Variants in JAKMIP1 observed in about 807,000 individuals in gnomAD.
JAKMIP1 encodes the protein janus kinase and microtubule-interacting protein 1.
In JAKMIP1, 33 loss-of-function variants were observed where a neutral mutation model predicts 113.0. The ratio of observed to expected loss-of-function variants is 0.29; its 90% CI spans 0.22 to 0.39. JAKMIP1 has a LOEUF of 0.39. Ranked by LOEUF, JAKMIP1 falls within the 10% of genes least tolerant of loss-of-function variation. The pLI is 1.00. For synonymous variants in JAKMIP1, 480 were observed against 459.9 expected (o/e 1.04, Z -0.56); for missense variants, 813 against 1,080.5 (o/e 0.75, Z 3.47).
chr4:6,060,496 C>T lies in JAKMIP1; in HGVS notation c.1572G>A (p.Gln524=), dbSNP rs776244460. Residue 524 remains glutamine, a synonymous_variant, in exon 11 of 21, where the codon CAG becomes CAA. Transcript: ENST00000409021. ...GACACCTCAGCAGATCAGCTTGTAGCTGCTCCCGAGTCTGGAAGGGAAAAG... is the reference window on the plus strand; with the variant it reads ...GACACCTCAGCAGATCAGCTTGTAGTTGCTCCCGAGTCTGGAAGGGAAAAG... The part of the protein sequence containing the change: ...DAEREARTRE[Q]LQADLLRCQA... The T allele has an allele frequency of 6.2e-7, 1 of 1,614,050 alleles. No homozygotes were observed. Among genetic ancestry groups the T allele is most frequent in the Non-Finnish European group, 8.5e-7 (1 of 1,179,918 alleles).
At chr4:6,087,188 A>G (rs1721424517) in intron 3 of JAKMIP1, among the ~76,000 whole-genome samples, 1 of 152,218 alleles carries the variant, frequency 6.6e-6, no homozygotes, top group South Asian at 2.1e-4. Context: ...TCAGACACAG[A>G]CTGCCACAGC....
Position 6,150,530 on chromosome 4 carries a change from G to GA in JAKMIP1, c.-147-37534dup, listed in dbSNP as rs1165217884. 1.3e-5 allele frequency: 2 copies of GA among 152,264 alleles called. No individual in the cohort carries two copies. The highest frequency in any genetic ancestry group is 4.8e-5 in the African/African-American group (2 of 41,436). The allele number at this position is 152,264 out of a possible 1,614,324, so 9.4% of individuals were successfully genotyped here. On this transcript the variant is annotated intron_variant, in intron 1 of 20. Coordinates refer to ENST00000409021, the MANE Select transcript of JAKMIP1 (RefSeq NM_001099433.2). The surrounding 1 kb of genome is among the most constrained non-coding windows in gnomAD (Gnocchi z 4.8). ...TGAACTGAGTGGTTTCCGCATCCAG[G>GA]AATAGACACCCGCTTCTTAATCCCT...
rs544620083 is a variant in JAKMIP1 at position 6,142,877 on chromosome 4, G to C, written c.-147-29880C>G. Among the ~76,000 whole-genome samples, 4 of 152,338 alleles carry C rather than the reference G, an allele frequency of 2.6e-5. No individual in the cohort carries two copies. The highest frequency in any genetic ancestry group is 9.6e-5 in the African/African-American group (4 of 41,566). ...AAACGGAGGATGGAAAGGTTTAAGG[G>C]ACATGGCCGGCAATGACAAAGCCCA... is the stretch of plus-strand genomic sequence containing the variant. On this transcript the variant is annotated intron_variant, in intron 1 of 20. Coordinates refer to ENST00000409021, the MANE Select transcript of JAKMIP1 (RefSeq NM_001099433.2). This position sits in a 1 kb window ranked among gnomAD's most constrained non-coding sequence, Gnocchi z 5.5.
In JAKMIP1 at chr4:6,089,575, A is replaced by T. The variant is rs1467144; in HGVS notation, c.625-3946T>A. 1.3e-5 allele frequency among the ~76,000 whole-genome samples: 2 copies of T among 152,296 alleles called. No homozygotes were observed. Among genetic ancestry groups the T allele is most frequent in the African/African-American group, 4.8e-5 (2 of 41,544 alleles). ...GAACCATGACTCAAGTGCAGATTGT[A>T]CTCTCCAAGCCCTCCCTGTCCCCTC... is the stretch of plus-strand genomic sequence containing the variant. On this transcript the variant is annotated intron_variant, in intron 3 of 20. Coordinates refer to ENST00000409021, the MANE Select transcript of JAKMIP1 (RefSeq NM_001099433.2). The surrounding 1 kb of genome is among the most constrained non-coding windows in gnomAD (Gnocchi z 5.3).
intron 2 of JAKMIP1, among the ~76,000 whole-genome samples, chr4:6,107,310 G>A (rs1340256407): frequency 1.3e-5 from 2 of 152,130 alleles, no homozygotes; most frequent in Admixed American, 1.3e-4. Context: ...GGGCCAGCAG[G>A]GTCAGATCCA....
At chr4:6,058,866 G>A (rs1392356458) in intron 11 of JAKMIP1, among the ~76,000 whole-genome samples, 2 of 152,204 alleles carry the variant, frequency 1.3e-5, no homozygotes, top group Non-Finnish European at 2.9e-5. Context: ...AGATATGTGG[G>A]CTCAGCCTGG....
chr4:6,031,286 C>T lies in JAKMIP1; in HGVS notation c.2380-1505G>A, dbSNP rs545485975. Among the ~76,000 whole-genome samples, 11 of 152,110 alleles carry T rather than the reference C, an allele frequency of 7.2e-5. No homozygotes were observed. The highest frequency in any genetic ancestry group is 1.3e-4 in the Non-Finnish European group (9 of 68,006). ...CTCTACTAAAAATACAAAAATGAGC[C>T]GGGCTTGGTGGTGCGCTCCTGTAGG... is the stretch of plus-strand genomic sequence containing the variant. On this transcript the variant is annotated intron_variant, in intron 19 of 20. Transcript: ENST00000409021. The surrounding 1 kb of genome is among the most constrained non-coding windows in gnomAD (Gnocchi z 4.4).
At position 6,112,997 on chromosome 4, in the gene JAKMIP1, C is replaced by A. The variant is rs749252616; in HGVS notation, c.-147G>T. The A allele has an allele frequency of 9.3e-5, 114 of 1,228,818 alleles. No individual in the cohort carries two copies. Among genetic ancestry groups the A allele is most frequent in the Non-Finnish European group, 1.2e-4 (113 of 913,436 alleles). The allele number at this position is 1,228,818 out of a possible 1,614,324, so 76.1% of individuals were successfully genotyped here. On this transcript the variant is annotated splice_region_variant and 5_prime_UTR_variant, in exon 2 of 21. Transcript: ENST00000409021. ...CGAGGAAACCACCATCACTTGGGAT[C>A]CTGAAGGAAGGAGGGAAACTGAGTT... is the stretch of plus-strand genomic sequence containing the variant.
intron 3 of JAKMIP1, among the ~76,000 whole-genome samples, chr4:6,099,154 T>C (rs1712583098): frequency 6.6e-6 from 1 of 152,238 alleles, no homozygotes; most frequent in South Asian, 2.1e-4. Context: ...AGTGTGACTT[T>C]TGTATCCACT....
intron 1 of JAKMIP1, among the ~76,000 whole-genome samples, chr4:6,166,569 G>A (rs777718421): frequency 1.1e-4 from 17 of 152,222 alleles, no homozygotes; most frequent in East Asian, 3.8e-4. Context: ...CTGCAGCCGC[G>A]CTGAAATCTC....
At chr4:6,131,173 A>AAAAAAAAAAAAT in intron 1 of JAKMIP1, among the ~76,000 whole-genome samples, 1 of 95,474 alleles carries the variant, frequency 1.0e-5, no homozygotes, top group African/African-American at 3.8e-5. Flanking sequence ...AAAAAAAAAA[A>AAAAAAAAAAAAT]AATATCCCAG....
rs76281719 is a variant in JAKMIP1 at position 6,157,253 on chromosome 4, G to C, written c.-148+43000C>G. Among the ~76,000 whole-genome samples, 1,869 of 152,222 alleles carry C rather than the reference G, an allele frequency of 0.012. 31 individuals are homozygous for C. Among genetic ancestry groups the C allele is most frequent in the African/African-American group, 0.041 (1,720 of 41,516 alleles). On this transcript the variant is annotated intron_variant, in intron 1 of 20. Coordinates refer to ENST00000409021, the MANE Select transcript of JAKMIP1 (RefSeq NM_001099433.2). The surrounding 1 kb of genome is among the most constrained non-coding windows in gnomAD (Gnocchi z 4.7). Reference sequence around the variant, plus strand: ...ATTTTCTTTATAAACTACCCAGGTGGTGATATTGTGTTATAGCAACACAAA... The same window carrying C: ...ATTTTCTTTATAAACTACCCAGGTGCTGATATTGTGTTATAGCAACACAAA...
At chr4:6,090,230 A>AG (rs1721855983) in intron 3 of JAKMIP1, among the ~76,000 whole-genome samples, 1 of 152,136 alleles carries the variant, frequency 6.6e-6, no homozygotes, top group South Asian at 2.1e-4. Flanking sequence ...TCAAAAAAAA[A>AG]AAGAAGAAAA....
intron 3 of JAKMIP1, among the ~76,000 whole-genome samples, chr4:6,098,398 ACTT>A (rs1270431335): frequency 3.8e-4 from 58 of 151,868 alleles, no homozygotes; most frequent in Non-Finnish European, 1.5e-5. Context: ...ACAGCATTGC[ACTT>A]CAGCCTGAGC....
intron 1 of JAKMIP1, among the ~76,000 whole-genome samples, chr4:6,148,196 A>G (rs1721092576): frequency 6.6e-6 from 1 of 152,182 alleles, no homozygotes; most frequent in Non-Finnish European, 1.5e-5. Flanking sequence ...GTGTACCCCC[A>G]AGTTGAATAG....
At chr4:6,111,733 A>G (rs969447516) in intron 2 of JAKMIP1, among the ~76,000 whole-genome samples, 2 of 152,194 alleles carry the variant, frequency 1.3e-5, no homozygotes, top group Non-Finnish European at 2.9e-5. Flanking sequence ...GCCAGCACCC[A>G]ACCAGGCACT....
intron 1 of JAKMIP1, among the ~76,000 whole-genome samples, chr4:6,145,274 A>C (rs1239409978): frequency 6.6e-6 from 1 of 152,190 alleles, no homozygotes; most frequent in Non-Finnish European, 1.5e-5. Flanking sequence ...TTCAATATTC[A>C]CAAGAAATGG....
intron 2 of JAKMIP1, among the ~76,000 whole-genome samples, chr4:6,110,533 T>G (rs28407861): frequency 0.13 from 19,818 of 149,918 alleles, 1,405 homozygotes; most frequent in Middle Eastern, 0.21. Context: ...AAGCCACACC[T>G]GATCTCTCAG....
At chr4:6,171,150 T>C (rs1261511912) in intron 1 of JAKMIP1, among the ~76,000 whole-genome samples, 2 of 133,672 alleles carry the variant, frequency 1.5e-5, no homozygotes, top group Non-Finnish European at 3.2e-5. Flanking sequence ...ACCACCATCA[T>C]CACCACCACC....
Sources: gnomAD v4.1 joint callset for allele counts (sites outside exome capture counted in the v4.1 genomes callset) on GRCh38, gnomAD v4.1.1 for gene constraint, Gnocchi (gnomAD v3.1) non-coding constraint, MANE v1.5 for transcripts, NCBI Gene and HGNC (gene_info 2026-07-23, HGNC 2026-07-21) for gene names.